Variants in PDSS2 observed in about 807,000 individuals in gnomAD.
PDSS2 encodes all trans-polyprenyl-diphosphate synthase PDSS2.
A neutral mutation model predicts 44.5 loss-of-function variants in PDSS2; 31 were observed. The observed-to-expected ratio is 0.70, with a 90% CI of 0.52 to 0.94. PDSS2 has a LOEUF of 0.94. PDSS2 is among the 40% of genes least tolerant of loss of function. PDSS2 has a pLI of 0.00. For synonymous variants in PDSS2, 157 were observed against 180.3 expected (o/e 0.87, Z 1.03); for missense variants, 452 against 482.2 (o/e 0.94, Z 0.59).
At chr6:107,327,493 G>C (rs1405271405) in intron 2 of PDSS2, among the ~76,000 whole-genome samples, 1 of 152,104 alleles carries the variant, frequency 6.6e-6, no homozygotes, top group African/African-American at 2.4e-5. Context: ...CCCTGGACAG[G>C]GCCAGGCAGG....
chr6:107,194,810 G>A (rs982427746), intron 6 of PDSS2, among the ~76,000 whole-genome samples: 3 of 152,046 alleles, frequency 2.0e-5, no homozygotes, highest in African/African-American at 7.2e-5. Flanking sequence ...AATTAGCCAG[G>A]CGTGGTGGCA....
intron 2 of PDSS2, among the ~76,000 whole-genome samples, chr6:107,297,849 A>C (rs965177970): frequency 6.6e-6 from 1 of 151,882 alleles, no homozygotes; most frequent in South Asian, 2.1e-4. Context: ...AGGTTCTAGC[A>C]ACTCTTGTAC....
intron 1 of PDSS2, among the ~76,000 whole-genome samples, chr6:107,413,957 G>T (rs1332556322): frequency 6.6e-6 from 1 of 151,004 alleles, no homozygotes; most frequent in African/African-American, 2.4e-5. Flanking sequence ...TTAATCACCT[G>T]GATAGGCCTG....
intron 2 of PDSS2, among the ~76,000 whole-genome samples, chr6:107,282,349 C>T (rs1775990290): frequency 6.6e-6 from 1 of 152,146 alleles, no homozygotes; most frequent in Non-Finnish European, 1.5e-5. Flanking sequence ...TATCCCCATA[C>T]AGGGATTAGT....
chr6:107,222,763 T>TA (rs1234464136), intron 4 of PDSS2, among the ~76,000 whole-genome samples: 2 of 152,064 alleles, frequency 1.3e-5, no homozygotes, highest in Non-Finnish European at 2.9e-5. Context: ...TTCCATTTTC[T>TA]TAGCACATAA....
intron 3 of PDSS2, among the ~76,000 whole-genome samples, chr6:107,248,669 G>C (rs994738352): frequency 1.1e-4 from 17 of 152,114 alleles, no homozygotes; most frequent in East Asian, 3.8e-4. Flanking sequence ...TGCAATAAAG[G>C]GAATTGGAAA....
chr6:107,192,498 T>C, intron 7 of PDSS2: 1 of 387,400 alleles, frequency 2.6e-6, no homozygotes, highest in Admixed American at 3.1e-5. Context: ...AGTTATTTGC[T>C]GCTCCTAGTA....
chr6:107,399,145 T>C (rs1197303411), intron 1 of PDSS2, among the ~76,000 whole-genome samples: 1 of 152,332 alleles, frequency 6.6e-6, no homozygotes, highest in South Asian at 2.1e-4. Context: ...AGGTAGATAA[T>C]ATTACTATCC....
At chr6:107,427,867 T>C (rs578166447) in intron 1 of PDSS2, among the ~76,000 whole-genome samples, 1 of 152,348 alleles carries the variant, frequency 6.6e-6, no homozygotes, top group South Asian at 2.1e-4. Flanking sequence ...ATCCCAACCA[T>C]ATCAAACTGG....
chr6:107,383,166 G>A (rs2127138), intron 1 of PDSS2, among the ~76,000 whole-genome samples: 72,389 of 151,044 alleles, frequency 0.48, 19,339 homozygotes, highest in Middle Eastern at 0.72. Context: ...AGGCATGGTG[G>A]TGTGCGCCTG....
chr6:107,189,343 C>A (rs879618499), intron 7 of PDSS2, among the ~76,000 whole-genome samples: 7 of 151,590 alleles, frequency 4.6e-5, no homozygotes, highest in African/African-American at 7.3e-5. Context: ...TATTTTTTTT[C>A]TTTTTATTTT....
chr6:107,175,053 A>G (rs1771738347), intron 7 of PDSS2, among the ~76,000 whole-genome samples: 1 of 152,060 alleles, frequency 6.6e-6, no homozygotes, highest in Admixed American at 6.6e-5. Flanking sequence ...TTCTACTAAA[A>G]ATACAAAAAT....
chr6:107,237,912 A>G (rs548885692), intron 4 of PDSS2, among the ~76,000 whole-genome samples: 19 of 151,740 alleles, frequency 1.3e-4, no homozygotes, highest in African/African-American at 3.4e-4. Flanking sequence ...AAAAAAAAAA[A>G]AAAGAAAAGA....
intron 1 of PDSS2, among the ~76,000 whole-genome samples, chr6:107,377,275 C>A (rs929887892): frequency 1.1e-4 from 16 of 152,268 alleles, no homozygotes; most frequent in African/African-American, 3.6e-4. Flanking sequence ...GCAGCCAAAA[C>A]ACACATGAAA....
chr6:107,400,715 C>T (rs1780080717), intron 1 of PDSS2, among the ~76,000 whole-genome samples: 1 of 152,190 alleles, frequency 6.6e-6, no homozygotes. Context: ...GGTTGTCCTA[C>T]TGCTCCCTGG....
intron 1 of PDSS2, among the ~76,000 whole-genome samples, chr6:107,420,479 A>C (rs1461579739): frequency 6.6e-6 from 1 of 152,250 alleles, no homozygotes; most frequent in East Asian, 1.9e-4. Context: ...GCAGAAGAAA[A>C]GACAAATAGA....
At chr6:107,304,113 T>C (rs1478849339) in intron 2 of PDSS2, among the ~76,000 whole-genome samples, 1 of 152,206 alleles carries the variant, frequency 6.6e-6, no homozygotes, top group African/African-American at 2.4e-5. Flanking sequence ...CCCTTTTTTC[T>C]TGAAATGCTT....
chr6:107,231,376 G>A (rs1774044705), intron 4 of PDSS2, among the ~76,000 whole-genome samples: 1 of 152,168 alleles, frequency 6.6e-6, no homozygotes, highest in South Asian at 2.1e-4. Flanking sequence ...GGAGACATCA[G>A]TTGTAAATGA....
chr6:107,273,567 T>C (rs2110904), intron 3 of PDSS2, among the ~76,000 whole-genome samples: 36,282 of 152,030 alleles, frequency 0.24, 5,604 homozygotes, highest in Middle Eastern at 0.47. Context: ...GATGCTCGCA[T>C]CATAATATTA....
Sources: gnomAD v4.1 joint callset for allele counts (sites outside exome capture counted in the v4.1 genomes callset) on GRCh38, gnomAD v4.1.1 for gene constraint, MANE v1.5 for transcripts, NCBI Gene and HGNC (gene_info 2026-07-23, HGNC 2026-07-21) for gene names.